The following RNF4 variants were observed in gnomAD, a reference collection of about 807,000 sequenced individuals.
RNF4 encodes ring finger protein 4, also known as E3 ubiquitin-protein ligase RNF4.
RNF4 carries 7 observed loss-of-function variants against 24.3 expected under a neutral mutation model. The ratio of observed to expected loss-of-function variants is 0.29; its 90% CI spans 0.16 to 0.54. The LOEUF (loss-of-function observed/expected upper bound fraction) is 0.54. RNF4 is among the 20% of genes least tolerant of loss of function. The probability of loss-of-function intolerance (pLI) is 0.95; values close to 1 mark genes in which losing one functional copy is unlikely to be tolerated. For missense variants in RNF4, 209 were observed against 248.5 expected, an observed-to-expected ratio of 0.84 and a Z score of 1.07; for synonymous variants, 83 against 84.3, an observed-to-expected ratio of 0.98 and a Z score of 0.09.
intron 4 of RNF4, among the ~76,000 whole-genome samples, chr4:2,508,347 G>A (rs914966563): frequency 6.6e-5 from 10 of 152,140 alleles, no homozygotes; most frequent in Non-Finnish European, 1.3e-4. Flanking sequence ...TTTATGAAGC[G>A]CTGGTACTCT....
chr4:2,494,373 C>CTTTT (rs753327529), intron 2 of RNF4, among the ~76,000 whole-genome samples: 6 of 98,224 alleles, frequency 6.1e-5, no homozygotes, highest in Admixed American at 1.3e-4. Flanking sequence ...CAACTTAGAA[C>CTTTT]TTTTTTTTTT....
At chr4:2,478,712 G>A (rs1413497536) in intron 1 of RNF4, among the ~76,000 whole-genome samples, 1 of 152,256 alleles carries the variant, frequency 6.6e-6, no homozygotes, top group Non-Finnish European at 1.5e-5. Flanking sequence ...AGGATGCATG[G>A]AAACACCTGG....
At chr4:2,486,217 C>A (rs541427673) in intron 1 of RNF4, among the ~76,000 whole-genome samples, 1 of 152,160 alleles carries the variant, frequency 6.6e-6, no homozygotes, top group African/African-American at 2.4e-5. Context: ...ATTTAGGAAG[C>A]GCAGTGCCTT....
At chr4:2,484,367 T>C (rs937607793) in intron 1 of RNF4, among the ~76,000 whole-genome samples, 3 of 151,944 alleles carry the variant, frequency 2.0e-5, no homozygotes, top group African/African-American at 7.3e-5. Context: ...GTCATAGAAT[T>C]TGGTTCCAGT....
At chr4:2,493,318 A>G (rs1735636192) in intron 2 of RNF4, among the ~76,000 whole-genome samples, 1 of 152,078 alleles carries the variant, frequency 6.6e-6, no homozygotes. Context: ...GAGCAGGCAG[A>G]AAAGAGGATT....
chr4:2,504,973 A>G (rs1022523815), intron 4 of RNF4: 1 of 152,132 alleles, frequency 6.6e-6, no homozygotes, highest in South Asian at 2.1e-4. Flanking sequence ...ACCTCAGGTG[A>G]TCCACTCGCC....
At chr4:2,505,381 A>G (rs1736051177) in intron 4 of RNF4, 1 of 149,316 alleles carries the variant, frequency 6.7e-6, no homozygotes, top group African/African-American at 2.5e-5. Context: ...GCTGGAGTAC[A>G]GTGGTGCGAT....
chr4:2,488,888 G>A (rs187749578), intron 1 of RNF4, among the ~76,000 whole-genome samples: 70 of 151,938 alleles, frequency 4.6e-4, no homozygotes, highest in African/African-American at 1.5e-3. Context: ...GCATGATCTC[G>A]GCTCCTCTGC....
At chr4:2,505,567 C>CA in intron 4 of RNF4, 1 of 150,308 alleles carries the variant, frequency 6.7e-6, no homozygotes, top group Non-Finnish European at 1.5e-5. Context: ...CCTCGTGATC[C>CA]GCCCGCCTCG....
At chr4:2,501,959 T>C (rs1479069530) in intron 4 of RNF4, among the ~76,000 whole-genome samples, 1 of 152,160 alleles carries the variant, frequency 6.6e-6, no homozygotes, top group African/African-American at 2.4e-5. Flanking sequence ...TAAGCAGCAG[T>C]GGGTTTAGTT....
chr4:2,504,523 CTTTT>C (rs1347001307), intron 4 of RNF4, among the ~76,000 whole-genome samples: 10 of 126,718 alleles, frequency 7.9e-5, no homozygotes, highest in East Asian at 2.3e-4. Context: ...TGTTTTATAG[CTTTT>C]ATTTATTTAT....
At chr4:2,470,010 G>A (rs1734852032) in intron 1 of RNF4, 1 of 152,294 alleles carries the variant, frequency 6.6e-6, no homozygotes, top group African/African-American at 2.4e-5. Flanking sequence ...CGAGGGAAGA[G>A]GGAAAAGGAT....
chr4:2,475,976 TC>T (rs1453329385), intron 1 of RNF4, among the ~76,000 whole-genome samples: 1 of 152,230 alleles, frequency 6.6e-6, no homozygotes, highest in Non-Finnish European at 1.5e-5. Flanking sequence ...GGCCAATGTT[TC>T]TAGAAACTTC....
Position 2,476,533 on chromosome 4 carries a change from C to T in RNF4, c.-158+7275C>T, listed in dbSNP as rs184728672. Among the ~76,000 whole-genome samples, 393 of 152,248 alleles carry T rather than the reference C, an allele frequency of 2.6e-3. 6 individuals carry two copies. The highest frequency in any genetic ancestry group is 0.018 in the Admixed American group (282 of 15,276). ...TCAGCCTCCTAAGGACCTGGGATTA[C>T]AGGCATGTGCCACCACGGCTGGCTA... is the stretch of plus-strand genomic sequence containing the variant. On this transcript the variant is annotated intron_variant, in intron 1 of 7. Transcript: ENST00000314289.
intron 1 of RNF4, among the ~76,000 whole-genome samples, chr4:2,484,895 G>A (rs1033503842): frequency 1.2e-4 from 18 of 152,056 alleles, no homozygotes; most frequent in Non-Finnish European, 2.6e-4. Flanking sequence ...ACCAGACACA[G>A]GTGACATGGT....
chr4:2,480,120 A>G (rs1735203410), intron 1 of RNF4: 1 of 151,532 alleles, frequency 6.6e-6, no homozygotes, highest in Admixed American at 6.6e-5. Flanking sequence ...TTTGGTATTA[A>G]TATTTTGTAG....
chr4:2,493,229 A>G (rs1309336698), intron 2 of RNF4, among the ~76,000 whole-genome samples: 1 of 151,954 alleles, frequency 6.6e-6, no homozygotes, highest in East Asian at 1.9e-4. Context: ...CTGTGCAAGA[A>G]TTGGCCAAGT....
chr4:2,502,370 T>A (rs1354440387), intron 4 of RNF4, among the ~76,000 whole-genome samples: 1 of 152,146 alleles, frequency 6.6e-6, no homozygotes, highest in Non-Finnish European at 1.5e-5. Flanking sequence ...CCTTTCACAC[T>A]TGTGTTTTCT....
At chr4:2,499,426 G>C (rs1482084359) in intron 3 of RNF4, 2 of 352,252 alleles carry the variant, frequency 5.7e-6, no homozygotes, top group Non-Finnish European at 1.1e-5. Flanking sequence ...ACAGGCATGT[G>C]CCACCACACC....
Sources: gnomAD v4.1 joint callset for allele counts (sites outside exome capture counted in the v4.1 genomes callset) on GRCh38, gnomAD v4.1.1 for gene constraint, MANE v1.5 for transcripts, NCBI Gene and HGNC (gene_info 2026-07-23, HGNC 2026-07-21) for gene names.